SPANXN3: variants seen among roughly 807,000 people sequenced by gnomAD.
SPANXN3 encodes the protein SPANX family member N3.
A neutral mutation model predicts 1.9 loss-of-function variants in SPANXN3; 1 was observed. That is an observed-to-expected ratio of 0.54 (90% CI 0.19 to 2.54). The LOEUF is 2.54. Among genes scored for constraint, SPANXN3 ranks in the 30% most tolerant of loss-of-function variants. The pLI is 0.24. For synonymous variants in SPANXN3, 47 were observed against 40.0 expected (o/e 1.17, Z -0.66); for missense variants, 113 against 96.2 (o/e 1.17, Z -0.73).
intron 1 of SPANXN3, among the ~76,000 whole-genome samples, chrX:143,512,080 A>T (rs1319379403): frequency 9.0e-6 from 1 of 111,117 alleles, no homozygotes; most frequent in African/African-American, 3.3e-5. Context: ...CCTATTCAAC[A>T]GCCCCCTTCA....
intron 1 of SPANXN3, among the ~76,000 whole-genome samples, chrX:143,512,222 G>A (rs73639739): frequency 0.044 from 4,783 of 109,678 alleles, 171 homozygotes; most frequent in African/African-American, 0.11. Flanking sequence ...ACACCCAAAC[G>A]CTTCCCTCTC....
At chrX:143,512,467 G>C (rs1280645754) in intron 1 of SPANXN3, among the ~76,000 whole-genome samples, 16 of 111,309 alleles carry the variant, frequency 1.4e-4, no homozygotes, top group African/African-American at 4.3e-4. Context: ...ACTCTCCCCA[G>C]AACACCCCTA....
chrX:143,511,739 C>T (rs1400056279), intron 1 of SPANXN3, among the ~76,000 whole-genome samples: 18 of 111,113 alleles, frequency 1.6e-4, no homozygotes, highest in Non-Finnish European at 2.6e-4. Flanking sequence ...GGCCTAATCC[C>T]GTGACACTCT....
Position 143,509,134 on chromosome X carries a change from G to A in SPANXN3, c.107C>T (p.Ala36Val). The A allele has an allele frequency of 1.7e-6, 2 of 1,209,622 alleles. No individual in the cohort carries two copies. The highest frequency in any genetic ancestry group is 2.2e-6 in the Non-Finnish European group (2 of 894,405). The change falls in exon 2 of 2, where the codon GCC (alanine) becomes GTC (valine). Residue 36 changes from alanine (A) to valine (V), a missense_variant. Transcript: ENST00000370503. ...EMQEVPNRVL[A>V]PEQSLKNTKT... Reference sequence around the variant, plus strand: ...TGTGTTCTTCAAACTCTGTTCGGGGGCTAAGACTCTGTTTGGTACCTCTTG... The same window carrying A: ...TGTGTTCTTCAAACTCTGTTCGGGGACTAAGACTCTGTTTGGTACCTCTTG...
intron 1 of SPANXN3, among the ~76,000 whole-genome samples, chrX:143,509,912 G>A (rs1217549000): frequency 2.7e-5 from 3 of 110,939 alleles, no homozygotes; most frequent in Non-Finnish European, 5.7e-5. Context: ...AACCCAGGAC[G>A]GTGATTGGGT....
chrX:143,510,446 C>T (rs1373337668), intron 1 of SPANXN3, among the ~76,000 whole-genome samples: 2 of 111,408 alleles, frequency 1.8e-5, no homozygotes, highest in Non-Finnish European at 3.8e-5. Context: ...GGGGTATTCA[C>T]TTCCCTCTGG....
intron 1 of SPANXN3, among the ~76,000 whole-genome samples, chrX:143,513,980 C>T (rs148035198): frequency 0.017 from 1,941 of 111,923 alleles, 14 homozygotes; most frequent in Non-Finnish European, 0.027. Flanking sequence ...ATACCATGTC[C>T]TACAGTCTCA....
At chrX:143,515,433 C>T (rs1477035560) in intron 1 of SPANXN3, among the ~76,000 whole-genome samples, 1 of 111,365 alleles carries the variant, frequency 9.0e-6, no homozygotes, top group African/African-American at 3.3e-5. Flanking sequence ...CTTTTATCTC[C>T]TACTTTATTT....
rs1929035471 is a variant in SPANXN3, at chrX:143,509,254, G to T, written c.79-92C>A. ...CAAGGGGGGCTTTATGAGAAGGAATGCAGGTGGAGGAAGGGGTGTGTGCCA... is the reference window on the plus strand; with the variant it reads ...CAAGGGGGGCTTTATGAGAAGGAATTCAGGTGGAGGAAGGGGTGTGTGCCA... On this transcript the variant is annotated intron_variant, in intron 1 of 1. Transcript: ENST00000370503. 9.8e-6 allele frequency: 7 copies of T among 716,567 alleles called. No individual in the cohort carries two copies. The Admixed American group carries it at 1.7e-4, about 17-fold the overall frequency. The allele number at this position is 716,567 out of a possible 1,213,427, so 59.1% of individuals were successfully genotyped here.
intron 1 of SPANXN3, among the ~76,000 whole-genome samples, chrX:143,512,129 A>G (rs1929105154): frequency 9.1e-6 from 1 of 110,062 alleles, no homozygotes; most frequent in East Asian, 2.9e-4. Context: ...CCCTACCCCT[A>G]TCTTGGGGTG....
intron 1 of SPANXN3, among the ~76,000 whole-genome samples, chrX:143,511,464 C>G (rs1556411709): frequency 9.0e-6 from 1 of 111,267 alleles, no homozygotes; most frequent in Non-Finnish European, 1.9e-5. Context: ...CCAGTCAGCC[C>G]CAGACATTTG....
intron 1 of SPANXN3, among the ~76,000 whole-genome samples, chrX:143,514,567 C>G (rs782389475): frequency 9.0e-5 from 10 of 111,312 alleles, no homozygotes; most frequent in African/African-American, 3.3e-4. Flanking sequence ...TCACATGTCC[C>G]CCAGAAAGTG....
At chrX:143,512,698 G>T (rs781878413) in intron 1 of SPANXN3, among the ~76,000 whole-genome samples, 1 of 111,475 alleles carries the variant, frequency 9.0e-6, no homozygotes, top group African/African-American at 3.3e-5. Flanking sequence ...CTTTAACTTG[G>T]TCAAGTCCTA....
chrX:143,516,542 T>C (rs1929218984), intron 1 of SPANXN3: 1 of 112,411 alleles, frequency 8.9e-6, no homozygotes, highest in African/African-American at 3.2e-5. Context: ...AGCACTGAGA[T>C]AGCAGGGGGC....
At chrX:143,511,636 G>A (rs1447941906) in intron 1 of SPANXN3, among the ~76,000 whole-genome samples, 3 of 111,632 alleles carry the variant, frequency 2.7e-5, no homozygotes, top group Non-Finnish European at 3.8e-5. Context: ...ACTCAACAGG[G>A]TTCCCAAGGC....
chrX:143,517,347 G>T lies in SPANXN3; in HGVS notation c.45C>A (p.Ser15Arg), dbSNP rs1556412862. The change falls in exon 1 of 2, where the codon AGC (serine) becomes AGA (arginine). Residue 15 changes from serine (S) to arginine (R), a missense_variant. Ser to Arg is a moderately radical substitution (Grantham distance 110, BLOSUM62 -1). Transcript: ENST00000370503. ...TSSTNGEKTKSPCESNNKKND... is the reference protein window; with the variant it reads ...TSSTNGEKTKRPCESNNKKND... ...TTTTTTTGTTATTGGATTCACAGGG[G>T]CTCTTCGTCTTCTCCCCATTGGTGC... 3 of 1,211,025 alleles carry T rather than the reference G, an allele frequency of 2.5e-6. No homozygotes were observed. The highest frequency in any genetic ancestry group is 1.7e-5 in the African/African-American group (1 of 57,661).
intron 1 of SPANXN3, among the ~76,000 whole-genome samples, chrX:143,509,390 G>T (rs1343702223): frequency 9.0e-6 from 1 of 111,240 alleles, no homozygotes; most frequent in Non-Finnish European, 1.9e-5. Context: ...TTTTTGCTAT[G>T]TTGCAGACCT....
At position 143,509,175 on chromosome X, in the gene SPANXN3, T is replaced by A. The variant is rs368661151; in HGVS notation, c.79-13A>T. On this transcript the variant is annotated splice_polypyrimidine_tract_variant and intron_variant, in intron 1 of 1. Transcript: ENST00000370503. Reference sequence around the variant, plus strand: ...GTACCTCTTGCATCTGGTAAGAAAATAGGGAGAGGCCAGAAAGACATTATT... The same window carrying A: ...GTACCTCTTGCATCTGGTAAGAAAAAAGGGAGAGGCCAGAAAGACATTATT... 37 of 1,179,697 alleles carry A rather than the reference T, an allele frequency of 3.1e-5. 1 individual carries two copies. The South Asian group carries it at 6.2e-4, about 20-fold the overall frequency.
chrX:143,515,059 A>G lies in SPANXN3; in HGVS notation c.78+2255T>C, dbSNP rs781886813. On this transcript the variant is annotated intron_variant, in intron 1 of 1. Coordinates refer to ENST00000370503, the MANE Select transcript of SPANXN3 (RefSeq NM_001009609.4). ...TACACCTCACCCAACATCTAATAAG[A>G]CAGTACACAAATGCTTACTTGACCC... 2.2e-3 allele frequency among the ~76,000 whole-genome samples: 240 copies of G among 110,204 alleles called. 3 individuals carry two copies. Among genetic ancestry groups the G allele is most frequent in the African/African-American group, 6.6e-3 (200 of 30,177 alleles).
Sources: gnomAD v4.1 joint callset for allele counts (sites outside exome capture counted in the v4.1 genomes callset) on GRCh38, gnomAD v4.1.1 for gene constraint, MANE v1.5 for transcripts, NCBI Gene and HGNC (gene_info 2026-07-23, HGNC 2026-07-21) for gene names.